NSUN6: variants seen among roughly 807,000 people sequenced by gnomAD.
The protein encoded by NSUN6 is NOP2/Sun RNA methyltransferase 6.
A neutral mutation model predicts 58.0 loss-of-function variants in NSUN6; 64 were observed. The observed-to-expected ratio is 1.10, with a 90% CI of 0.90 to 1.36. The LOEUF (loss-of-function observed/expected upper bound fraction) is 1.36. Among genes scored for constraint, NSUN6 ranks in the 40% most tolerant of loss-of-function variants. The probability of loss-of-function intolerance (pLI) is 0.00; values close to 1 mark genes in which losing one functional copy is unlikely to be tolerated. For synonymous variants in NSUN6, 231 were observed against 193.9 expected, an observed-to-expected ratio of 1.19 and a Z score of -1.59; for missense variants, 701 against 550.1, an observed-to-expected ratio of 1.27 and a Z score of -2.74.
At chr10:18,632,282 G>T (rs892478869) in intron 3 of NSUN6, among the ~76,000 whole-genome samples, 1 of 148,430 alleles carries the variant, frequency 6.7e-6, no homozygotes, top group African/African-American at 2.5e-5. Context: ...TTAAACGTTA[G>T]ACCTAAAACC....
upstream of NSUN6, chr10:18,653,352 G>A (rs2059741562): frequency 1.0e-5 from 10 of 979,272 alleles, no homozygotes; most frequent in East Asian, 1.1e-4. Flanking sequence ...TGCCACACAC[G>A]GACAGAATTG....
upstream of NSUN6, chr10:18,651,938 C>A: frequency 1.0e-6 from 1 of 985,422 alleles, no homozygotes; most frequent in Non-Finnish European, 1.2e-6. Context: ...TGCTGTCCTG[C>A]CAGATGTCCT....
At chr10:18,624,754 G>C (rs1355000131) in intron 3 of NSUN6, among the ~76,000 whole-genome samples, 2 of 151,894 alleles carry the variant, frequency 1.3e-5, no homozygotes, top group Admixed American at 6.6e-5. Flanking sequence ...TGAGACTGCG[G>C]TTCTTAGAAA....
intron 6 of NSUN6, among the ~76,000 whole-genome samples, chr10:18,606,193 A>C (rs2131294577): frequency 6.6e-6 from 1 of 152,236 alleles, no homozygotes; most frequent in East Asian, 1.9e-4. Context: ...AAAAGTGCAA[A>C]ATACACAAAC....
chr10:18,615,066 C>T (rs904529090), intron 4 of NSUN6, among the ~76,000 whole-genome samples: 18 of 150,518 alleles, frequency 1.2e-4, no homozygotes, highest in Admixed American at 6.0e-4. Flanking sequence ...TATGACAGCA[C>T]GATTAAGGCA....
At chr10:18,580,144 G>A (rs942751329) in intron 8 of NSUN6, among the ~76,000 whole-genome samples, 2 of 152,028 alleles carry the variant, frequency 1.3e-5, no homozygotes, top group Non-Finnish European at 2.9e-5. Context: ...TCTCGCCAGC[G>A]GCAAAAACAA....
intron 7 of NSUN6, among the ~76,000 whole-genome samples, chr10:18,593,153 G>C (rs1453491695): frequency 1.3e-5 from 2 of 152,174 alleles, no homozygotes; most frequent in African/African-American, 4.8e-5. Flanking sequence ...AAACCACAAT[G>C]AGATACCATC....
chr10:18,553,995 G>C (rs966420263), intron 8 of NSUN6, among the ~76,000 whole-genome samples: 3 of 151,394 alleles, frequency 2.0e-5, no homozygotes, highest in African/African-American at 2.4e-5. Flanking sequence ...GAATGGAATG[G>C]AGAATGTAAT....
At chr10:18,578,589 C>T (rs2056770530) in intron 8 of NSUN6, among the ~76,000 whole-genome samples, 1 of 152,150 alleles carries the variant, frequency 6.6e-6, no homozygotes, top group Admixed American at 6.5e-5. Context: ...CCCCCAACAT[C>T]AATTCAACTA....
chr10:18,627,875 G>A (rs983281999), intron 3 of NSUN6, among the ~76,000 whole-genome samples: 1 of 152,258 alleles, frequency 6.6e-6, no homozygotes, highest in African/African-American at 2.4e-5. Flanking sequence ...AAACAAAGCA[G>A]CTAGGAAGCT....
chr10:18,612,194 G>A (rs1880681), intron 5 of NSUN6, among the ~76,000 whole-genome samples: 24,474 of 152,000 alleles, frequency 0.16, 2,123 homozygotes, highest in Admixed American at 0.2. Flanking sequence ...CCAAGGTGGA[G>A]AACTGCTTGA....
chr10:18,582,093 A>G (rs1041137116), intron 8 of NSUN6, among the ~76,000 whole-genome samples: 3 of 152,046 alleles, frequency 2.0e-5, no homozygotes, highest in African/African-American at 7.2e-5. Flanking sequence ...TACCAGTTAA[A>G]CTTCCAAGAC....
intron 6 of NSUN6, among the ~76,000 whole-genome samples, chr10:18,600,959 T>TGTATATATATATATATATATATAC (rs2057797111): frequency 1.5e-5 from 1 of 64,924 alleles, no homozygotes; most frequent in Non-Finnish European, 3.1e-5. Flanking sequence ...TATATATATA[T>TGTATATATATATATATATATATAC]ACATATATAT....
Position 18,597,789 on chromosome 10 carries a change from C to T in NSUN6, c.658-1462G>A, listed in dbSNP as rs139986608. 2.0e-5 allele frequency among the ~76,000 whole-genome samples: 3 copies of T among 152,002 alleles called. No individual in the cohort carries two copies. In the South Asian group the frequency reaches 6.2e-4, roughly 31 times the overall value. ...CTAAAAATAAATAAATAAATAAATA[C>T]ATACAAACATACAAAAAAACTGTGA... On this transcript the variant is annotated intron_variant, in intron 6 of 10. Transcript: ENST00000377304.
intron 3 of NSUN6, among the ~76,000 whole-genome samples, chr10:18,621,179 G>C (rs993984953): frequency 6.6e-6 from 1 of 152,164 alleles, no homozygotes; most frequent in Non-Finnish European, 1.5e-5. Flanking sequence ...CCAGGCAGTG[G>C]GAATCTACAT....
At chr10:18,626,156 C>A (rs1185524188) in intron 3 of NSUN6, among the ~76,000 whole-genome samples, 1 of 151,664 alleles carries the variant, frequency 6.6e-6, no homozygotes, top group African/African-American at 2.4e-5. Context: ...TAAACTGTGC[C>A]ATAAGGACCG....
intron 3 of NSUN6, among the ~76,000 whole-genome samples, chr10:18,640,582 T>C (rs1299954335): frequency 6.6e-6 from 1 of 152,098 alleles, no homozygotes; most frequent in Non-Finnish European, 1.5e-5. Context: ...TAAGAGATGA[T>C]AGAAATCAGA....
At chr10:18,636,541 G>A (rs1268201995) in intron 3 of NSUN6, among the ~76,000 whole-genome samples, 1 of 151,876 alleles carries the variant, frequency 6.6e-6, no homozygotes, top group Non-Finnish European at 1.5e-5. Flanking sequence ...TAGGTGGTAG[G>A]AATTTTAGGG....
intron 8 of NSUN6, among the ~76,000 whole-genome samples, chr10:18,578,047 G>T (rs1178454223): frequency 6.6e-6 from 1 of 152,126 alleles, no homozygotes; most frequent in Admixed American, 6.5e-5. Flanking sequence ...TTGCTGAGAA[G>T]TAAAAAAGAA....
Sources: gnomAD v4.1 joint callset for allele counts (sites outside exome capture counted in the v4.1 genomes callset) on GRCh38, gnomAD v4.1.1 for gene constraint, MANE v1.5 for transcripts, NCBI Gene and HGNC (gene_info 2026-07-23, HGNC 2026-07-21) for gene names.